OXNAD1: variants seen among roughly 807,000 people sequenced by gnomAD.
The protein encoded by OXNAD1 is oxidoreductase NAD binding domain containing 1, also known as oxidoreductase NAD-binding domain-containing protein 1.
In OXNAD1, 34 loss-of-function variants were observed where a neutral mutation model predicts 32.9. The observed-to-expected ratio is 1.03, with a 90% CI of 0.79 to 1.38. The LOEUF (loss-of-function observed/expected upper bound fraction) is 1.38, where lower values mean the gene tolerates loss of function less well. OXNAD1 is among the 40% of genes most tolerant of loss of function. The pLI is 0.00. For synonymous variants in OXNAD1, 134 were observed against 135.2 expected, an observed-to-expected ratio of 0.99 and a Z score of 0.06; for missense variants, 407 against 379.4, an observed-to-expected ratio of 1.07 and a Z score of -0.60.
chr3:16,331,017 A>T (rs2070252877), intron 9 of OXNAD1, among the ~76,000 whole-genome samples: 2 of 152,246 alleles, frequency 1.3e-5, no homozygotes, highest in Non-Finnish European at 2.9e-5. Flanking sequence ...TGCTCTTTAT[A>T]CATGATTGTA....
chr3:16,317,527 A>G lies in OXNAD1; in HGVS notation c.*30+13935A>G, dbSNP rs2068541289. Among the ~76,000 whole-genome samples the G allele has an allele frequency of 6.6e-6, 1 of 152,176 alleles. No homozygotes were observed. Among genetic ancestry groups the G allele is most frequent in the South Asian group, 2.1e-4 (1 of 4,822 alleles). On this transcript the variant is annotated intron_variant, in intron 9 of 9. Coordinates refer to the OXNAD1 transcript ENST00000435829. The surrounding 1 kb of genome is among the most constrained non-coding windows in gnomAD (Gnocchi z 4.3). ...TCTATACCAAAGGCCCACATAGGAAAGGGCTCCTAAAGTCCTATCATTTGG... is the reference window on the plus strand; with the variant it reads ...TCTATACCAAAGGCCCACATAGGAAGGGGCTCCTAAAGTCCTATCATTTGG...
chr3:16,272,554 G>A (rs892776971), intron 4 of OXNAD1, among the ~76,000 whole-genome samples: 1 of 151,774 alleles, frequency 6.6e-6, no homozygotes, highest in Admixed American at 6.6e-5. Context: ...TAATGTAAAG[G>A]CATATTGTTT....
chr3:16,286,533 C>A, intron 5 of OXNAD1, 85 bp downstream of exon 5: 1 of 1,088,802 alleles, frequency 9.2e-7, no homozygotes, highest in Non-Finnish European at 1.4e-6. Context: ...CTGGAAAAGG[C>A]TAGCCATTCC....
chr3:16,314,396 G>C lies in OXNAD1; in HGVS notation c.*30+10804G>C, dbSNP rs78289745. 5.3e-5 allele frequency: 8 copies of C among 152,264 alleles called. No individual in the cohort carries two copies. The East Asian group carries it at 1.5e-3, about 29-fold the overall frequency. 9.4% of individuals were successfully genotyped at this position (152,264 alleles called of 1,614,324 possible). ...CACAAGCTGTGTTTCAACTGACAGA[G>C]ACCCTGTGGCCAGTGGTATTCAACT... is the stretch of plus-strand genomic sequence containing the variant. On this transcript the variant is annotated intron_variant, in intron 9 of 9. Coordinates refer to the OXNAD1 transcript ENST00000435829. This position sits in a 1 kb window ranked among gnomAD's most constrained non-coding sequence, Gnocchi z 4.4.
chr3:16,281,535 A>G (rs886319490), intron 4 of OXNAD1, among the ~76,000 whole-genome samples: 1 of 152,224 alleles, frequency 6.6e-6, no homozygotes, highest in Non-Finnish European at 1.5e-5. Context: ...TTGAAATCCT[A>G]AACACTTCCG....
In OXNAD1 at chr3:16,322,126, G is replaced by A. The variant is rs1271530055; in HGVS notation, c.*31-14986G>A. ...GTGAGCCTGTGGCTGAGCTGAAACT[G>A]ACAGCGCTCTGCAGCCGATCCATCT... On this transcript the variant is annotated intron_variant, in intron 9 of 9. Transcript: ENST00000435829. The surrounding 1 kb of genome is among the most constrained non-coding windows in gnomAD (Gnocchi z 6.2). Among the ~76,000 whole-genome samples the A allele has an allele frequency of 6.6e-6, 1 of 152,244 alleles. No individual in the cohort carries two copies. The highest frequency in any genetic ancestry group is 1.5e-5 in the Non-Finnish European group (1 of 68,046).
At chr3:16,309,266 A>G (rs1007422864), downstream of OXNAD1, among the ~76,000 whole-genome samples, 15 of 152,338 alleles carry the variant, frequency 9.8e-5, no homozygotes, top group African/African-American at 3.6e-4. Flanking sequence ...ACCTGTTTGT[A>G]TAATTTTTCT....
intron 9 of OXNAD1, among the ~76,000 whole-genome samples, chr3:16,324,633 G>T: frequency 2.8e-5 from 3 of 108,720 alleles, no homozygotes; most frequent in African/African-American, 7.2e-5. Flanking sequence ...TTTTAAGGTT[G>T]CATAGTATTC....
chr3:16,332,744 C>G (rs1278722719), intron 9 of OXNAD1, among the ~76,000 whole-genome samples: 2 of 152,182 alleles, frequency 1.3e-5, no homozygotes, highest in East Asian at 1.9e-4. Flanking sequence ...TTAGATTCCT[C>G]TATCTACTTT....
At chr3:16,307,358 A>G (rs983818938), downstream of OXNAD1, among the ~76,000 whole-genome samples, 10 of 152,198 alleles carry the variant, frequency 6.6e-5, no homozygotes, top group Non-Finnish European at 1.0e-4. Context: ...AAAGTTCTCT[A>G]ATAAACAGGT....
In OXNAD1 at chr3:16,299,468, A is replaced by G. The variant is rs2067024624; in HGVS notation, c.433-2158A>G. On this transcript the variant is annotated intron_variant, in intron 6 of 8. Coordinates refer to ENST00000285083, the MANE Select transcript of OXNAD1 (RefSeq NM_138381.5). The surrounding 1 kb of genome is among the most constrained non-coding windows in gnomAD (Gnocchi z 4.4). ...CACCATTCATGTAAAAATCTCCCAC[A>G]TATTTAAAATAGTGAGGTTCAGACA... 1.3e-5 allele frequency among the ~76,000 whole-genome samples: 2 copies of G among 152,218 alleles called. No individual in the cohort carries two copies. The highest frequency in any genetic ancestry group is 4.1e-4 in the South Asian group (2 of 4,826).
At chr3:16,308,662 A>G (rs2067741906), downstream of OXNAD1, among the ~76,000 whole-genome samples, 1 of 152,204 alleles carries the variant, frequency 6.6e-6, no homozygotes, top group African/African-American at 2.4e-5. The surrounding 1 kb of genome is among the most constrained non-coding windows in gnomAD (Gnocchi z 4.4). Flanking sequence ...TGTGGTGATG[A>G]CATGTAGATA....
At position 16,269,142 on chromosome 3, in the gene OXNAD1, T is replaced by G; in HGVS notation, c.-142T>G. ...CCATTGCAGGAACTTTGTGAGAATTTTAATGCATGGAAAAGCTGTCCATGT... is the reference window on the plus strand; with the variant it reads ...CCATTGCAGGAACTTTGTGAGAATTGTAATGCATGGAAAAGCTGTCCATGT... On this transcript the variant is annotated 5_prime_UTR_variant, in exon 2 of 9. Coordinates refer to ENST00000285083, the MANE Select transcript of OXNAD1 (RefSeq NM_138381.5). 6.7e-7 allele frequency: 1 copy of G among 1,488,888 alleles called. No individual in the cohort carries two copies. Among genetic ancestry groups the G allele is most frequent in the African/African-American group, 1.4e-5 (1 of 70,646 alleles). The allele number at this position is 1,488,888 out of a possible 1,614,324, so 92.2% of individuals were successfully genotyped here. A position where few individuals can be genotyped will look rare whatever the true frequency, so the allele number is the denominator to read the frequency against.
exon 10 of OXNAD1, chr3:16,349,609 T>C (rs766778211): frequency 6.6e-6 from 1 of 152,196 alleles, no homozygotes; most frequent in Non-Finnish European, 1.5e-5. Flanking sequence ...AAGAAAAGGG[T>C]ATGTTCAAGA....
chr3:16,316,827 C>T lies in OXNAD1; in HGVS notation c.*30+13235C>T. 1 of 1,613,806 alleles carries T rather than the reference C, an allele frequency of 6.2e-7. No individual in the cohort carries two copies. Among genetic ancestry groups the T allele is most frequent in the East Asian group, 2.2e-5 (1 of 44,870 alleles). On this transcript the variant is annotated intron_variant, in intron 9 of 9. Transcript: ENST00000435829. This position sits in a 1 kb window ranked among gnomAD's most constrained non-coding sequence, Gnocchi z 4.5. ...TAGTTTTAGCACAAATTGCCCAAGA[C>T]TCAGTTTTCTTCAACCGTACCAAGC...
chr3:16,350,942 C>T (rs1339212434), downstream of OXNAD1, among the ~76,000 whole-genome samples: 1 of 152,184 alleles, frequency 6.6e-6, no homozygotes, highest in African/African-American at 2.4e-5. Flanking sequence ...ATTGATGTTA[C>T]TCCCTGGCAA....
chr3:16,325,000 A>G (rs1055430642), intron 9 of OXNAD1, among the ~76,000 whole-genome samples: 4 of 151,990 alleles, frequency 2.6e-5, no homozygotes, highest in African/African-American at 7.3e-5. Context: ...AGCCATCCCA[A>G]TCAGTGTGAG....
At position 16,271,185 on chromosome 3, in the gene OXNAD1, G is replaced by A; in HGVS notation, c.119+114G>A. 1 of 1,262,732 alleles carries A rather than the reference G, an allele frequency of 7.9e-7. No individual in the cohort carries two copies. Among genetic ancestry groups the A allele is most frequent in the Non-Finnish European group, 1.1e-6 (1 of 913,212 alleles). The allele number at this position is 1,262,732 out of a possible 1,614,324, so 78.2% of individuals were successfully genotyped here. The stretch of plus-strand genomic sequence containing the variant: ...GGAAAGGTAACACCTTAGCTTCAAT[G>A]TGCATGCTGTCAGGTTGTTAACCGT... On this transcript the variant is annotated intron_variant, in intron 3 of 8. Transcript: ENST00000285083. This position sits in a 1 kb window ranked among gnomAD's most constrained non-coding sequence, Gnocchi z 4.6.
chr3:16,326,821 C>G (rs2069745149), intron 9 of OXNAD1: 1 of 1,614,134 alleles, frequency 6.2e-7, no homozygotes, highest in Non-Finnish European at 8.5e-7. Context: ...GAGCTGCCAG[C>G]CATAGGCCGC....
Sources: allele counts gnomAD v4.1 joint callset (sites outside exome capture counted in the v4.1 genomes callset), GRCh38; gene constraint gnomAD v4.1.1; non-coding constraint Gnocchi (gnomAD v3.1); transcripts MANE v1.5; gene names NCBI Gene and HGNC (gene_info 2026-07-23, HGNC 2026-07-21).